The following TEX14 variants were observed in gnomAD, a reference collection of about 807,000 sequenced individuals.
TEX14 encodes the protein testis expressed 14, intercellular bridge forming factor, also known as inactive serine/threonine-protein kinase TEX14.
In TEX14, 168 loss-of-function variants were observed where a neutral mutation model predicts 178.6. The observed-to-expected ratio is 0.94, with a 90% confidence interval of 0.83 to 1.07. TEX14 has a LOEUF of 1.07. Ranked by LOEUF, TEX14 falls within the 50% of genes least tolerant of loss-of-function variation. The probability of loss-of-function intolerance (pLI) is 0.00; values close to 1 mark genes in which losing one functional copy is unlikely to be tolerated. For missense variants in TEX14, 1,730 were observed against 1,753.6 expected (o/e 0.99, Z 0.24); for synonymous variants, 626 against 634.1 (o/e 0.99, Z 0.19).
chr17:58,630,058 C>CTT (rs71143259), intron 3 of TEX14, among the ~76,000 whole-genome samples: 63 of 145,170 alleles, frequency 4.3e-4, no homozygotes, highest in South Asian at 8.8e-4. Context: ...AAAATTCACC[C>CTT]TTTTTTTTTT....
rs188540742 is a variant in TEX14, at chr17:58,602,730, G to A, written c.1337-140C>T. The A allele has an allele frequency of 1.8e-4, 115 of 637,256 alleles. 1 individual carries two copies. In the Middle Eastern group the frequency reaches 2.0e-3, roughly 11 times the overall value. 39.5% of individuals were successfully genotyped at this position (637,256 alleles called of 1,614,324 possible). On this transcript the variant is annotated intron_variant, in intron 11 of 31. Coordinates refer to ENST00000349033, the MANE Select transcript of TEX14 (RefSeq NM_031272.5). ...TTTTTTTCTAATCCACTGTACTTTA[G>A]AAACAATTCATTTCCTTATATATTA...
intron 1 of TEX14, among the ~76,000 whole-genome samples, chr17:58,654,628 T>C (rs577608229): frequency 6.6e-6 from 1 of 151,248 alleles, no homozygotes; most frequent in South Asian, 2.1e-4. Context: ...GACCTCAGGC[T>C]CCCAAGTAGT....
rs1473714319 is a variant in TEX14 at position 58,622,913 on chromosome 17, G to T, written c.351C>A (p.Leu117=). ...KLLDAGGDLR[L]HDERGQNPKT... is the part of the protein sequence containing the mutation. ...TCGGGTTTTGACCCCTCTCATCGTG[G>T]AGTCGCAGGTCACCTCCTGCATCCA... Residue 117 remains leucine, a synonymous_variant, in exon 4 of 32, where the codon CTC becomes CTA. Coordinates refer to ENST00000349033, the MANE Select transcript of TEX14 (RefSeq NM_031272.5). The T allele has an allele frequency of 6.2e-7, 1 of 1,613,394 alleles. No homozygotes were observed. The highest frequency in any genetic ancestry group is 1.7e-5 in the Admixed American group (1 of 59,992).
At chr17:58,577,676 T>C (rs1222411030) in intron 20 of TEX14, among the ~76,000 whole-genome samples, 1 of 152,222 alleles carries the variant, frequency 6.6e-6, no homozygotes, top group Non-Finnish European at 1.5e-5. Context: ...CACAGAACTA[T>C]ATTCTGACAC....
rs548396499 is a variant in TEX14 at position 58,591,468 on chromosome 17, A to G, written c.2576+2087T>C. ...GGGAGGTGGAGGTTGCAGTGAGCCAATATCGCGCCATTGCACTCCAGCCTG... is the reference window on the plus strand; with the variant it reads ...GGGAGGTGGAGGTTGCAGTGAGCCAGTATCGCGCCATTGCACTCCAGCCTG... On this transcript the variant is annotated intron_variant, in intron 15 of 31. Coordinates refer to ENST00000349033, the MANE Select transcript of TEX14 (RefSeq NM_031272.5). Among the ~76,000 whole-genome samples, 4 of 152,258 alleles carry G rather than the reference A, an allele frequency of 2.6e-5. No homozygotes were observed. In the South Asian group the frequency reaches 8.3e-4, roughly 32 times the overall value.
chr17:58,615,355 C>G lies in TEX14; in HGVS notation c.768-10G>C, dbSNP rs765834684. 5.2e-6 allele frequency: 8 copies of G among 1,550,068 alleles called. No homozygotes were observed. The South Asian group carries it at 8.9e-5, about 17-fold the overall frequency. On this transcript the variant is annotated splice_polypyrimidine_tract_variant and intron_variant, in intron 7 of 31. Transcript: ENST00000349033. ...CCCATTCCACACTAGGCTACAAGGA[C>G]AGGAAAGAGTTTCAGCAGAAAGGAG...
At position 58,687,628 on chromosome 17, in the gene TEX14, C is replaced by T. The variant is rs553577757; in HGVS notation, c.-2+4311G>A. Among the ~76,000 whole-genome samples, 4 of 151,934 alleles carry T rather than the reference C, an allele frequency of 2.6e-5. No homozygotes were observed. In the South Asian group the frequency reaches 8.4e-4, roughly 32 times the overall value. On this transcript the variant is annotated intron_variant, in intron 1 of 31. Coordinates refer to ENST00000349033, the MANE Select transcript of TEX14 (RefSeq NM_031272.5). ...GATTACAGGTGTGAGCCACTGCACCCGGCCGTGGTCACCATTTTTTAAAGT... is the reference window on the plus strand; with the variant it reads ...GATTACAGGTGTGAGCCACTGCACCTGGCCGTGGTCACCATTTTTTAAAGT...
intron 1 of TEX14, chr17:58,677,710 C>T (rs1289839042): frequency 8.1e-6 from 1 of 123,296 alleles, no homozygotes; most frequent in Non-Finnish European, 1.7e-5. Context: ...CCTTTGTGGT[C>T]AGGGTATCTT....
intron 1 of TEX14, among the ~76,000 whole-genome samples, chr17:58,687,020 C>A (rs965476575): frequency 6.6e-6 from 1 of 151,802 alleles, no homozygotes; most frequent in Non-Finnish European, 1.5e-5. Context: ...ATTACAGATG[C>A]CCACCACCAC....
intron 2 of TEX14, among the ~76,000 whole-genome samples, chr17:58,641,988 G>A (rs770596698): frequency 3.3e-5 from 5 of 152,312 alleles, no homozygotes; most frequent in Non-Finnish European, 7.3e-5. Flanking sequence ...CTGGTAAGCC[G>A]AAGGGGTCTT....
chr17:58,583,707 C>T (rs2144404603), intron 19 of TEX14, among the ~76,000 whole-genome samples: 1 of 152,320 alleles, frequency 6.6e-6, no homozygotes, highest in African/African-American at 2.4e-5. Context: ...GGCAGACATT[C>T]CCCACTTTCC....
chr17:58,631,693 G>C (rs771804946), intron 2 of TEX14: 7 of 150,968 alleles, frequency 4.6e-5, no homozygotes, highest in South Asian at 4.2e-4. Flanking sequence ...GCAAACAGCA[G>C]TTAGAATAAC....
At chr17:58,666,544 A>T (rs188145955) in intron 1 of TEX14, 2 of 151,198 alleles carry the variant, frequency 1.3e-5, no homozygotes, top group Admixed American at 1.3e-4. Flanking sequence ...AACCAGCAGC[A>T]AGTGCGAACG....
intron 1 of TEX14, among the ~76,000 whole-genome samples, chr17:58,659,824 G>A (rs2143351926): frequency 6.6e-6 from 1 of 151,950 alleles, no homozygotes; most frequent in Admixed American, 6.6e-5. Flanking sequence ...AGCCTCCCGA[G>A]TAGCTGGGAT....
chr17:58,682,959 C>T (rs909460300), intron 1 of TEX14, among the ~76,000 whole-genome samples: 12 of 151,680 alleles, frequency 7.9e-5, no homozygotes, highest in African/African-American at 2.9e-4. Flanking sequence ...GTGGCTAACA[C>T]CTACAATCCC....
Position 58,651,914 on chromosome 17 carries a change from A to C in TEX14, c.88T>G (p.Tyr30Asp). The part of the protein sequence containing the change: ...NDSLEAQLHE[Y>D]VKQGNYVKVK... The stretch of plus-strand genomic sequence containing the variant: ...TTCACATAGTTCCCTTGTTTGACAT[A>C]CTCATGAAGCTGAGCTTCCAGGGAG... The change falls in exon 2 of 32, where the codon TAT becomes GAT. Residue 30 changes from tyrosine to aspartate, a missense_variant. Around this residue, in one of 2 missense-constraint regions of TEX14, gnomAD observed 789 missense variants for 681.2 expected, o/e 1.16. Coordinates refer to ENST00000349033, the MANE Select transcript of TEX14 (RefSeq NM_031272.5). The C allele has an allele frequency of 6.2e-7, 1 of 1,613,262 alleles. No homozygotes were observed. The highest frequency in any genetic ancestry group is 8.5e-7 in the Non-Finnish European group (1 of 1,179,848).
rs2045575345 is a variant in TEX14, at chr17:58,605,111, C to G, written c.1203G>C (p.Gln401His). 1.2e-6 allele frequency: 2 copies of G among 1,613,990 alleles called. No homozygotes were observed. The highest frequency in any genetic ancestry group is 2.7e-5 in the African/African-American group (2 of 74,918). ...YMLESEDRGVQRDLTRVPLPT... is the reference protein window; with the variant it reads ...YMLESEDRGVHRDLTRVPLPT... ...GAAGGGGCACTCGAGTCAGGTCCCTCTGTACACCTCTGTCCTCGCTACGGA... is the reference window on the plus strand; with the variant it reads ...GAAGGGGCACTCGAGTCAGGTCCCTGTGTACACCTCTGTCCTCGCTACGGA... The change falls in exon 11 of 32, where the codon CAG (glutamine) becomes CAC (histidine). Residue 401 changes from glutamine to histidine, a missense_variant. Around this residue, in one of 2 missense-constraint regions of TEX14, gnomAD observed 789 missense variants for 681.2 expected, o/e 1.16. Coordinates refer to ENST00000349033, the MANE Select transcript of TEX14 (RefSeq NM_031272.5).
intron 20 of TEX14, among the ~76,000 whole-genome samples, chr17:58,579,405 G>C (rs1248289202): frequency 6.6e-6 from 1 of 152,210 alleles, no homozygotes; most frequent in Admixed American, 6.5e-5. Flanking sequence ...GGGGGAAAAA[G>C]CAGTGACTAC....
chr17:58,630,340 G>A, intron 3 of TEX14, 100 bp downstream of exon 3: 2 of 875,080 alleles, frequency 2.3e-6, no homozygotes, highest in Non-Finnish European at 3.7e-6. Context: ...ATAGGTATGA[G>A]ACACCGCACC....
Sources: gnomAD v4.1 joint callset for allele counts (sites outside exome capture counted in the v4.1 genomes callset) on GRCh38, gnomAD v4.1.1 for gene constraint, gnomAD v4.1.1 regional missense constraint, MANE v1.5 for transcripts, NCBI Gene and HGNC (gene_info 2026-07-23, HGNC 2026-07-21) for gene names.